C19orf47: variants seen among roughly 807,000 people sequenced by gnomAD.
C19orf47 encodes chromosome 19 open reading frame 47.
C19orf47 carries 18 observed loss-of-function variants against 32.3 expected under a neutral mutation model. That is an observed-to-expected ratio of 0.56 (90% CI 0.39 to 0.83). The LOEUF (loss-of-function observed/expected upper bound fraction) is 0.83. Among genes scored for constraint, C19orf47 ranks in the 40% least tolerant of loss-of-function variants. The pLI is 0.00. For synonymous variants in C19orf47, 202 were observed against 211.1 expected (o/e 0.96, Z 0.37); for missense variants, 484 against 531.6 (o/e 0.91, Z 0.88).
intron 7 of C19orf47, 100 bp from the exon 8 acceptor site, chr19:40,324,176 G>GCCCT: frequency 8.8e-7 from 1 of 1,140,456 alleles, no homozygotes; most frequent in African/African-American, 1.5e-5. Flanking sequence ...AGTAGCTCTG[G>GCCCT]GACAGGCAGG....
intron 6 of C19orf47, among the ~76,000 whole-genome samples, chr19:40,326,987 C>T (rs1161202790): frequency 6.7e-6 from 1 of 149,618 alleles, no homozygotes; most frequent in African/African-American, 2.5e-5. Flanking sequence ...CTTCGCAATA[C>T]TTTGTTACAC....
chr19:40,321,355 C>T lies in C19orf47; in HGVS notation c.*527G>A. ...GGACGCAGCGGACAGTCGGGCCTTGCCACGGGGACAGAAAACAGAAGAGAA... is the reference window on the plus strand; with the variant it reads ...GGACGCAGCGGACAGTCGGGCCTTGTCACGGGGACAGAAAACAGAAGAGAA... On this transcript the variant is annotated 3_prime_UTR_variant, in exon 9 of 9. Transcript: ENST00000683109. 5.1e-6 allele frequency: 5 copies of T among 988,298 alleles called. No homozygotes were observed. The highest frequency in any genetic ancestry group is 6.0e-6 in the Non-Finnish European group (5 of 831,790). The allele number at this position is 988,298 out of a possible 1,614,324, so 61.2% of individuals were successfully genotyped here. A position where few individuals can be genotyped will look rare whatever the true frequency, so the allele number is the denominator to read the frequency against.
chr19:40,321,647 A>T lies in C19orf47; in HGVS notation c.*235T>A, dbSNP rs1249079168. ...TGCCAAGGCCACAGCCAGAGAAGAA[A>T]GCACAGAGGACATGAGAGAAGGGGA... On this transcript the variant is annotated 3_prime_UTR_variant, in exon 9 of 9. Transcript: ENST00000683109. The T allele has an allele frequency of 2.3e-6, 3 of 1,328,286 alleles. No individual in the cohort carries two copies. The highest frequency in any genetic ancestry group is 2.9e-6 in the Non-Finnish European group (3 of 1,043,368). 82.3% of individuals were successfully genotyped at this position (1,328,286 alleles called of 1,614,324 possible).
At chr19:40,312,024 A>T in the C19orf47 span, among the ~76,000 whole-genome samples, 1 of 152,202 alleles carries the variant, frequency 6.6e-6, no homozygotes, top group African/African-American at 2.4e-5. Context: ...GTTCATTTTC[A>T]TTGATGTACA....
At chr19:40,337,322 A>ATTATTATTATT (rs1568621554) in intron 2 of C19orf47, among the ~76,000 whole-genome samples, 7 of 149,812 alleles carry the variant, frequency 4.7e-5, no homozygotes, top group African/African-American at 1.5e-4. Context: ...TATTATTATT[A>ATTATTATTATT]CTATTACTCC....
At chr19:40,300,248 C>T in the C19orf47 span, among the ~76,000 whole-genome samples, 3 of 151,720 alleles carry the variant, frequency 2.0e-5, no homozygotes, top group Admixed American at 6.6e-5. Context: ...AGGTGGATCA[C>T]GAGGTCAGGA....
At position 40,321,376 on chromosome 19, in the gene C19orf47, G is replaced by A. The variant is rs2077714886; in HGVS notation, c.*506C>T. The stretch of plus-strand genomic sequence containing the variant: ...CTTGCCACGGGGACAGAAAACAGAA[G>A]AGAAATGAACAAAGTGAAGACAGGG... On this transcript the variant is annotated 3_prime_UTR_variant, in exon 9 of 9. Coordinates refer to ENST00000683109, the MANE Select transcript of C19orf47 (RefSeq NM_001256441.2). 2 of 989,302 alleles carry A rather than the reference G, an allele frequency of 2.0e-6. No individual in the cohort carries two copies. Among genetic ancestry groups the A allele is most frequent in the Non-Finnish European group, 2.4e-6 (2 of 832,398 alleles). 61.3% of individuals were successfully genotyped at this position (989,302 alleles called of 1,614,324 possible).
At chr19:40,346,143 G>A (rs1157978066) in intron 1 of C19orf47, among the ~76,000 whole-genome samples, 3 of 143,430 alleles carry the variant, frequency 2.1e-5, no homozygotes, top group Admixed American at 7.1e-5. Flanking sequence ...GCAACAGAGT[G>A]AGACTCCATC....
chr19:40,339,719 C>T (rs1240318738), intron 2 of C19orf47, among the ~76,000 whole-genome samples: 1 of 152,096 alleles, frequency 6.6e-6, no homozygotes, highest in Non-Finnish European at 1.5e-5. Context: ...CACCTGTAAT[C>T]CCAGCACTTT....
intron 2 of C19orf47, among the ~76,000 whole-genome samples, chr19:40,341,327 T>C (rs2078173484): frequency 6.6e-6 from 1 of 151,746 alleles, no homozygotes; most frequent in South Asian, 2.1e-4. Context: ...AGAGCGAAAC[T>C]CCATCTCAAC....
the C19orf47 span, among the ~76,000 whole-genome samples, chr19:40,295,290 G>A: frequency 6.6e-6 from 1 of 152,018 alleles, no homozygotes; most frequent in Non-Finnish European, 1.5e-5. Context: ...AAAGTGCTGG[G>A]ATGACAGGCG....
At chr19:40,344,856 C>T (rs541754558) in intron 1 of C19orf47, among the ~76,000 whole-genome samples, 3 of 152,278 alleles carry the variant, frequency 2.0e-5, no homozygotes, top group Admixed American at 6.5e-5. Flanking sequence ...CAACCACCCT[C>T]GGAAAGTTAC....
chr19:40,307,528 A>G, the C19orf47 span, among the ~76,000 whole-genome samples: 2 of 151,998 alleles, frequency 1.3e-5, no homozygotes, highest in Non-Finnish European at 2.9e-5. Flanking sequence ...CCTCCCTAGT[A>G]GCCGCCATAC....
At position 40,332,566 on chromosome 19, in the gene C19orf47, G is replaced by C. The variant is rs1371099941; in HGVS notation, c.301+1285C>G. 2 of 151,774 alleles carry C rather than the reference G, an allele frequency of 1.3e-5. 1 individual carries two copies. Among genetic ancestry groups the C allele is most frequent in the South Asian group, 4.2e-4 (2 of 4,800 alleles). 9.4% of individuals were successfully genotyped at this position (151,774 alleles called of 1,614,324 possible). On this transcript the variant is annotated intron_variant, in intron 5 of 8. Coordinates refer to ENST00000683109, the MANE Select transcript of C19orf47 (RefSeq NM_001256441.2). ...GGAGGCTGAGGCAGGAGAACTGCTT[G>C]AACCCGGGAGGCGGAGGTTGCACTG...
chr19:40,326,293 C>A (rs2077826532), intron 7 of C19orf47, 41 bp downstream of exon 7: 1 of 1,610,436 alleles, frequency 6.2e-7, no homozygotes, highest in African/African-American at 1.3e-5. Context: ...GAGGGAGGGA[C>A]ATGGACCCCG....
At chr19:40,304,496 T>C in the C19orf47 span, among the ~76,000 whole-genome samples, 4 of 152,154 alleles carry the variant, frequency 2.6e-5, no homozygotes, top group Non-Finnish European at 5.9e-5. Flanking sequence ...CTGGGACAAC[T>C]TTTCTTAACT....
At chr19:40,299,061 G>T in the C19orf47 span, among the ~76,000 whole-genome samples, 143 of 152,080 alleles carry the variant, frequency 9.4e-4, no homozygotes, top group African/African-American at 3.3e-3. Context: ...AAGAGTGAAA[G>T]ATTTTCTTTT....
intron 1 of C19orf47, 57 bp from the exon 2 acceptor site, chr19:40,341,947 C>G: frequency 2.6e-6 from 4 of 1,535,814 alleles, no homozygotes; most frequent in South Asian, 1.2e-5. Flanking sequence ...AGTGTTTGTC[C>G]CTCTCCTGTG....
At chr19:40,306,559 C>G in the C19orf47 span, among the ~76,000 whole-genome samples, 2 of 150,114 alleles carry the variant, frequency 1.3e-5, no homozygotes, top group African/African-American at 2.5e-5. Flanking sequence ...CCCACCATCA[C>G]GCCCAGCTGA....
Sources: allele counts gnomAD v4.1 joint callset (sites outside exome capture counted in the v4.1 genomes callset), GRCh38; gene constraint gnomAD v4.1.1; transcripts MANE v1.5; gene names NCBI Gene and HGNC (gene_info 2026-07-23, HGNC 2026-07-21).